The following TCP11L2 variants were observed in gnomAD, a reference collection of about 807,000 sequenced individuals.
TCP11L2 encodes the protein T-complex protein 11-like protein 2.
Under a neutral mutation model 50.7 loss-of-function variants are expected in TCP11L2, and 39 were observed. The ratio of observed to expected loss-of-function variants is 0.77; its 90% CI spans 0.60 to 1.01. The LOEUF (loss-of-function observed/expected upper bound fraction) is 1.01, where lower values mean the gene tolerates loss of function less well. Among genes scored for constraint, TCP11L2 ranks in the 50% least tolerant of loss-of-function variants. The pLI is 0.00. For missense variants in TCP11L2, 612 were observed against 614.7 expected, an observed-to-expected ratio of 1.00 and a Z score of 0.05; for synonymous variants, 192 against 219.3, an observed-to-expected ratio of 0.88 and a Z score of 1.10.
intron 1 of TCP11L2, among the ~76,000 whole-genome samples, chr12:106,307,866 T>C (rs1180173581): frequency 6.6e-6 from 1 of 152,266 alleles, no homozygotes; most frequent in Non-Finnish European, 1.5e-5. Flanking sequence ...TACTGTTTAC[T>C]GTGTCAATGA....
At chr12:106,308,022 G>T (rs572322428) in intron 1 of TCP11L2, among the ~76,000 whole-genome samples, 5 of 152,298 alleles carry the variant, frequency 3.3e-5, no homozygotes, top group African/African-American at 1.2e-4. Flanking sequence ...ACAGGTTTCT[G>T]TTTGGATACA....
chr12:106,318,388 A>C lies in TCP11L2; in HGVS notation c.338A>C (p.Asp113Ala), dbSNP rs1244600140. 2 of 1,613,968 alleles carry C rather than the reference A, an allele frequency of 1.2e-6. No homozygotes were observed. The highest frequency in any genetic ancestry group is 3.3e-5 in the Admixed American group (2 of 59,994). The change falls in exon 4 of 10, where the codon GAC becomes GCC. Residue 113 changes from aspartate (D) to alanine (A), a missense_variant. Coordinates refer to ENST00000299045, the MANE Select transcript of TCP11L2 (RefSeq NM_152772.3). ...VKHIVHQAFWDVLDSELNADP... is the reference protein window; with the variant it reads ...VKHIVHQAFWAVLDSELNADP... ...CACATTGTTCACCAGGCCTTCTGGG[A>C]CGTCTTGGATTCAGAACTAAATGCT...
intron 7 of TCP11L2, 101 bp downstream of exon 7, chr12:106,335,927 C>A: frequency 6.6e-7 from 1 of 1,504,088 alleles, no homozygotes; most frequent in South Asian, 1.3e-5. Flanking sequence ...AATGACTTTA[C>A]AAAAATCAGA....
At chr12:106,302,623 A>G (rs1033455523), upstream of TCP11L2, among the ~76,000 whole-genome samples, 2 of 151,654 alleles carry the variant, frequency 1.3e-5, no homozygotes, top group African/African-American at 2.4e-5. Flanking sequence ...TCTGGTTCAA[A>G]CTGACGAAGA....
At chr12:106,333,265 ACTT>A (rs764833778) in intron 6 of TCP11L2, among the ~76,000 whole-genome samples, 5 of 152,234 alleles carry the variant, frequency 3.3e-5, no homozygotes, top group Non-Finnish European at 5.9e-5. Flanking sequence ...TATTTTCACA[ACTT>A]CTTAAGTCTT....
chr12:106,333,963 A>G (rs774997866), intron 6 of TCP11L2, among the ~76,000 whole-genome samples: 1 of 152,186 alleles, frequency 6.6e-6, no homozygotes, highest in Non-Finnish European at 1.5e-5. Context: ...TAGGAGCCTT[A>G]TGGGGTATGG....
chr12:106,325,799 G>A (rs959620506), intron 6 of TCP11L2: 5 of 150,308 alleles, frequency 3.3e-5, no homozygotes, highest in African/African-American at 1.2e-4. Flanking sequence ...GTTGAGATGG[G>A]AGAATCGCTT....
At chr12:106,335,167 G>T (rs950110958) in intron 6 of TCP11L2, among the ~76,000 whole-genome samples, 3 of 152,150 alleles carry the variant, frequency 2.0e-5, no homozygotes, top group Non-Finnish European at 4.4e-5. Flanking sequence ...TTTCTCTTCA[G>T]ATTGTATAAA....
In TCP11L2 at chr12:106,345,759, G is replaced by C. The variant is rs2243591; in HGVS notation, c.1316-527G>C. ...ACTCACCAGTCTGTGAGGCGACCGGGTGGCTCTTTTGGTCTTGCTGAACTC... is the reference window on the plus strand; with the variant it reads ...ACTCACCAGTCTGTGAGGCGACCGGCTGGCTCTTTTGGTCTTGCTGAACTC... On this transcript the variant is annotated intron_variant, in intron 9 of 9. Coordinates refer to ENST00000299045, the MANE Select transcript of TCP11L2 (RefSeq NM_152772.3). Among the ~76,000 whole-genome samples the C allele has an allele frequency of 7.6e-3, 1,154 of 152,236 alleles. 5 individuals are homozygous for C. Among genetic ancestry groups the C allele is most frequent in the Middle Eastern group, 0.034 (10 of 294 alleles).
rs539577647 is a variant in TCP11L2, at chr12:106,307,489, G to A, written c.-35-3552G>A. The A allele has an allele frequency of 2.0e-5, 3 of 152,254 alleles. No homozygotes were observed. The South Asian group carries it at 6.2e-4, about 32-fold the overall frequency. 9.4% of individuals were successfully genotyped at this position (152,254 alleles called of 1,614,324 possible). On this transcript the variant is annotated intron_variant, in intron 1 of 9. Coordinates refer to ENST00000299045, the MANE Select transcript of TCP11L2 (RefSeq NM_152772.3). ...ATTACCTTTCTTAAAGATACAGCCTGGTTTCATTATCATCAGTCTAAAGGA... is the reference window on the plus strand; with the variant it reads ...ATTACCTTTCTTAAAGATACAGCCTAGTTTCATTATCATCAGTCTAAAGGA...
intron 9 of TCP11L2, among the ~76,000 whole-genome samples, chr12:106,345,007 T>C (rs1345387314): frequency 6.6e-6 from 1 of 152,110 alleles, no homozygotes; most frequent in Non-Finnish European, 1.5e-5. Context: ...TTAGTATTAA[T>C]TAATTATGTT....
rs1191820180 is a variant in TCP11L2, at chr12:106,314,379, T to C, written c.179T>C (p.Val60Ala). The C allele has an allele frequency of 6.2e-7, 1 of 1,612,204 alleles. No individual in the cohort carries two copies. The change falls in exon 3 of 10, where the codon GTA becomes GCA. Residue 60 changes from valine to alanine, a missense_variant. Val to Ala is a moderately conservative substitution (Grantham distance 64). Coordinates refer to ENST00000299045, the MANE Select transcript of TCP11L2 (RefSeq NM_152772.3). Reference protein sequence around the residue: ...SPASTSPPRVVTFDEVMATAR... With the variant: ...SPASTSPPRVATFDEVMATAR... Reference sequence around the variant, plus strand: ...TCAGCAACAAGCCCTCCAAGGGTTGTAACATTTGATGAAGTGATGGCTACA... The same window carrying C: ...TCAGCAACAAGCCCTCCAAGGGTTGCAACATTTGATGAAGTGATGGCTACA...
At chr12:106,323,770 T>C (rs980626371) in intron 6 of TCP11L2, 124 bp downstream of exon 6, 8 of 485,272 alleles carry the variant, frequency 1.6e-5, no homozygotes, top group African/African-American at 4.1e-5. Context: ...TTTAATTTAA[T>C]TTAAATTAAT....
At chr12:106,336,341 A>C (rs769069188) in intron 8 of TCP11L2, 128 bp downstream of exon 8, 2 of 819,056 alleles carry the variant, frequency 2.4e-6, no homozygotes, top group Non-Finnish European at 3.6e-6. Context: ...CTTATCTTAC[A>C]CCTTTTTCTA....
Position 106,346,936 on chromosome 12 carries a change from AG to A in TCP11L2, c.*409del, listed in dbSNP as rs2036251187. 6.3e-6 allele frequency: 1 copy of A among 158,404 alleles called. No homozygotes were observed. The highest frequency in any genetic ancestry group is 1.4e-5 in the Non-Finnish European group (1 of 72,106). 9.8% of individuals were successfully genotyped at this position (158,404 alleles called of 1,614,324 possible). A position where few individuals can be genotyped will look rare whatever the true frequency, so the allele number is the denominator to read the frequency against. ...TTTTAATTTTGGTACAACTCCTTAA[AG>A]GGTTGAAGGTTGTGACAATAACTGA... On this transcript the variant is annotated 3_prime_UTR_variant, in exon 10 of 10. Transcript: ENST00000299045.
chr12:106,321,513 G>C lies in TCP11L2; in HGVS notation c.442G>C (p.Gly148Arg), dbSNP rs749722416. 6.2e-7 allele frequency: 1 copy of C among 1,614,074 alleles called. No homozygotes were observed. The highest frequency in any genetic ancestry group is 1.7e-5 in the Admixed American group (1 of 60,016). ...EILLSFLTPG[G>R]NRLRNQICEV... Reference sequence around the variant, plus strand: ...TCTTCTCTCTTTTCTCACTCCCGGTGGCAACCGGCTTCGCAACCAAATCTG... The same window carrying C: ...TCTTCTCTCTTTTCTCACTCCCGGTCGCAACCGGCTTCGCAACCAAATCTG... Residue 148 changes from glycine to arginine, a missense_variant, in exon 5 of 10, where the codon GGC (glycine) becomes CGC (arginine). Physicochemically the swap from Gly to Arg is moderately radical, Grantham distance 125 (BLOSUM62 -2). Transcript: ENST00000299045.
intron 2 of TCP11L2, among the ~76,000 whole-genome samples, chr12:106,313,302 T>G (rs568514522): frequency 6.6e-6 from 1 of 152,292 alleles, no homozygotes; most frequent in South Asian, 2.1e-4. Flanking sequence ...TTACAGTTTT[T>G]GGCTGGGTGC....
At chr12:106,338,539 C>G (rs1233841470) in intron 8 of TCP11L2, among the ~76,000 whole-genome samples, 2 of 152,084 alleles carry the variant, frequency 1.3e-5, no homozygotes, top group Non-Finnish European at 2.9e-5. Context: ...GTACATATAC[C>G]ATATTTTCTT....
At chr12:106,329,325 C>G (rs547531928) in intron 6 of TCP11L2, 1 of 1,535,980 alleles carries the variant, frequency 6.5e-7, no homozygotes, top group Non-Finnish European at 8.7e-7. Flanking sequence ...TAATCCTGTC[C>G]CCAGGAAAAG....
Sources: gnomAD v4.1 joint callset for allele counts (sites outside exome capture counted in the v4.1 genomes callset) on GRCh38, gnomAD v4.1.1 for gene constraint, MANE v1.5 for transcripts, NCBI Gene and HGNC (gene_info 2026-07-23, HGNC 2026-07-21) for gene names.